Variants in COTL1 observed in about 807,000 individuals in gnomAD.
COTL1 encodes coactosin-like protein.
COTL1 carries 15 observed loss-of-function variants against 16.5 expected under a neutral mutation model. The ratio of observed to expected loss-of-function variants is 0.91; its 90% CI spans 0.61 to 1.40. COTL1 has a LOEUF of 1.40. COTL1 is among the 40% of genes most tolerant of loss of function. The pLI, the probability that COTL1 is intolerant of heterozygous loss-of-function variation, is 0.00. For missense variants in COTL1, 220 were observed against 201.5 expected, an observed-to-expected ratio of 1.09 and a Z score of -0.56; for synonymous variants, 112 against 85.3, an observed-to-expected ratio of 1.31 and a Z score of -1.73.
intron 2 of COTL1, among the ~76,000 whole-genome samples, chr16:84,614,815 G>A (rs531257975): frequency 2.0e-5 from 3 of 152,130 alleles, no homozygotes; most frequent in South Asian, 2.1e-4. Context: ...CATGTCATTT[G>A]CAACCTGCAA....
At chr16:84,612,638 C>T (rs567350196) in intron 2 of COTL1, among the ~76,000 whole-genome samples, 28 of 152,250 alleles carry the variant, frequency 1.8e-4, no homozygotes, top group South Asian at 6.2e-4. Context: ...CAAAAACTTG[C>T]CGTGTGTGGT....
intron 2 of COTL1, among the ~76,000 whole-genome samples, chr16:84,611,199 C>G (rs1020871066): frequency 1.3e-5 from 2 of 152,240 alleles, no homozygotes; most frequent in African/African-American, 4.8e-5. Flanking sequence ...CACTGATGCT[C>G]TTAACCAATC....
intron 2 of COTL1, among the ~76,000 whole-genome samples, chr16:84,610,072 G>A (rs914828657): frequency 6.6e-6 from 1 of 152,180 alleles, no homozygotes; most frequent in Non-Finnish European, 1.5e-5. Context: ...TCAAACATCT[G>A]AAGACAACAC....
At chr16:84,574,100 C>T (rs570143746) in intron 3 of COTL1, among the ~76,000 whole-genome samples, 3 of 151,942 alleles carry the variant, frequency 2.0e-5, no homozygotes, top group East Asian at 1.9e-4. Flanking sequence ...CCTGGGAGGT[C>T]GAGGCTGCCG....
rs1437232641 is a variant in COTL1, at chr16:84,566,872, T to TC, written c.401dup (p.Ala135SerfsTer74). On this transcript the variant is annotated frameshift_variant, in exon 4 of 4. Coordinates refer to ENST00000262428, the MANE Select transcript of COTL1 (RefSeq NM_021149.5). LOFTEE classifies it high-confidence loss of function. ...ACTCCGTCTGGGCGTCGTAATTGGC[T>TC]CCCCCCGCCTTCTTCAGCTCGCTCT... 1 of 1,613,016 alleles carries TC rather than the reference T, an allele frequency of 6.2e-7. No individual in the cohort carries two copies. The highest frequency in any genetic ancestry group is 1.1e-5 in the South Asian group (1 of 91,028).
At chr16:84,612,590 C>A (rs541897579) in intron 2 of COTL1, among the ~76,000 whole-genome samples, 4 of 151,680 alleles carry the variant, frequency 2.6e-5, no homozygotes, top group South Asian at 2.1e-4. Flanking sequence ...TGAGACCAGC[C>A]TGGCCAACAT....
intron 3 of COTL1, among the ~76,000 whole-genome samples, chr16:84,573,416 C>T (rs1169675875): frequency 1.3e-5 from 2 of 152,158 alleles, no homozygotes; most frequent in Non-Finnish European, 1.5e-5. Context: ...GCCCATCCGA[C>T]AGGGGTGGAC....
intron 2 of COTL1, among the ~76,000 whole-genome samples, chr16:84,592,042 G>T (rs1309248891): frequency 6.6e-6 from 1 of 152,058 alleles, no homozygotes; most frequent in Non-Finnish European, 1.5e-5. Context: ...AAATTGCAGG[G>T]TGCTGAGCAG....
chr16:84,598,243 T>C (rs1905045304), intron 2 of COTL1, among the ~76,000 whole-genome samples: 1 of 152,110 alleles, frequency 6.6e-6, no homozygotes. Flanking sequence ...AAAACTTCAC[T>C]CTCAAAAGAG....
intron 2 of COTL1, among the ~76,000 whole-genome samples, chr16:84,603,108 C>T (rs1567538992): frequency 6.6e-6 from 1 of 152,200 alleles, no homozygotes; most frequent in Non-Finnish European, 1.5e-5. Context: ...TCTCTGCCCC[C>T]CAGTTCCCCG....
chr16:84,616,291 A>T (rs1190657437), intron 2 of COTL1: 1 of 152,114 alleles, frequency 6.6e-6, no homozygotes, highest in African/African-American at 2.4e-5. Context: ...ACCTAAGGTC[A>T]GAAGTTAGAG....
At chr16:84,591,636 A>G (rs1904865897) in intron 2 of COTL1, among the ~76,000 whole-genome samples, 1 of 2,690 alleles carries the variant, frequency 3.7e-4, no homozygotes, top group Non-Finnish European at 2.4e-3. Context: ...CACCTCTCTA[A>G]AAAAAAAAAA....
At chr16:84,598,604 C>G (rs139156066) in intron 2 of COTL1, among the ~76,000 whole-genome samples, 2 of 151,932 alleles carry the variant, frequency 1.3e-5, no homozygotes, top group African/African-American at 4.8e-5. Context: ...GGTGCCTTTA[C>G]GCCTCTCCCA....
intron 1 of COTL1, 106 bp downstream of exon 1, chr16:84,617,732 G>C: frequency 7.2e-7 from 1 of 1,385,108 alleles, no homozygotes; most frequent in South Asian, 1.3e-5. Context: ...AGGCGAGGAA[G>C]ACAGCGCGGG....
At chr16:84,579,364 T>C (rs1397995397) in intron 3 of COTL1, among the ~76,000 whole-genome samples, 1 of 152,214 alleles carries the variant, frequency 6.6e-6, no homozygotes, top group East Asian at 1.9e-4. Context: ...GGCATACACC[T>C]GTAGTCCCAG....
chr16:84,584,778 C>G lies in COTL1; in HGVS notation c.318+5327G>C, dbSNP rs541916062. 3.5e-4 allele frequency among the ~76,000 whole-genome samples: 53 copies of G among 152,342 alleles called. 1 individual carries two copies. Among genetic ancestry groups the G allele is most frequent in the African/African-American group, 1.3e-3 (52 of 41,576 alleles). On this transcript the variant is annotated intron_variant, in intron 3 of 3. Coordinates refer to ENST00000262428, the MANE Select transcript of COTL1 (RefSeq NM_021149.5). ...CCAGAAATTAAGACATTGTTCTAAGCACTTTCCCTATATTTGCTCATTTAA... is the reference window on the plus strand; with the variant it reads ...CCAGAAATTAAGACATTGTTCTAAGGACTTTCCCTATATTTGCTCATTTAA...
At position 84,585,126 on chromosome 16, in the gene COTL1, G is replaced by A. The variant is rs145699330; in HGVS notation, c.318+4979C>T. Among the ~76,000 whole-genome samples, 609 of 152,264 alleles carry A rather than the reference G, an allele frequency of 4.0e-3. 10 individuals are homozygous for A. The highest frequency in any genetic ancestry group is 0.014 in the African/African-American group (574 of 41,546). ...ATCCCATTCTTCATTTTACAAATGAGGACACTGAGGCCCAGGGAGGGAGAG... is the reference window on the plus strand; with the variant it reads ...ATCCCATTCTTCATTTTACAAATGAAGACACTGAGGCCCAGGGAGGGAGAG... On this transcript the variant is annotated intron_variant, in intron 3 of 3. Coordinates refer to ENST00000262428, the MANE Select transcript of COTL1 (RefSeq NM_021149.5).
intron 3 of COTL1, among the ~76,000 whole-genome samples, chr16:84,581,168 T>C (rs1290852504): frequency 6.9e-6 from 1 of 144,004 alleles, no homozygotes; most frequent in Non-Finnish European, 1.5e-5. Context: ...CAAATAAATA[T>C]ATGTATGTAT....
intron 3 of COTL1, among the ~76,000 whole-genome samples, chr16:84,581,975 CT>C (rs1904604844): frequency 1.5e-5 from 2 of 133,102 alleles, no homozygotes; most frequent in African/African-American, 5.6e-5. Flanking sequence ...AGATACATTT[CT>C]TCTTTTTTTT....
Sources: allele counts gnomAD v4.1 joint callset (sites outside exome capture counted in the v4.1 genomes callset), GRCh38; gene constraint gnomAD v4.1.1; transcripts MANE v1.5; gene names NCBI Gene and HGNC (gene_info 2026-07-23, HGNC 2026-07-21).